ELL: variants seen among roughly 807,000 people sequenced by gnomAD.
ELL encodes the protein RNA polymerase II elongation factor ELL.
In ELL, 18 loss-of-function variants were observed where a neutral mutation model predicts 64.0. That is an observed-to-expected ratio of 0.28 (90% confidence interval 0.19 to 0.42). The LOEUF (loss-of-function observed/expected upper bound fraction) is 0.42. Among genes scored for constraint, ELL ranks in the 10% least tolerant of loss-of-function variants. The probability of loss-of-function intolerance (pLI) is 1.00; values close to 1 mark genes in which losing one functional copy is unlikely to be tolerated. For missense variants in ELL, 797 were observed against 870.4 expected (o/e 0.92, Z 1.06); for synonymous variants, 399 against 376.2 (o/e 1.06, Z -0.70).
chr19:18,451,639 G>A lies in ELL; in HGVS notation c.879C>T (p.Cys293=), dbSNP rs1223042260. 1.3e-6 allele frequency: 2 copies of A among 1,499,616 alleles called. No individual in the cohort carries two copies. The highest frequency in any genetic ancestry group is 2.9e-5 in the African/African-American group (2 of 69,064). 92.9% of individuals were successfully genotyped at this position (1,499,616 alleles called of 1,614,324 possible). A position where few individuals can be genotyped will look rare whatever the true frequency, so the allele number is the denominator to read the frequency against. Residue 293 remains cysteine (C), a synonymous_variant, in exon 7 of 12, where the codon TGC becomes TGT. Coordinates refer to ENST00000262809, the MANE Select transcript of ELL (RefSeq NM_006532.4). ...LLKRVLVRKL[C]QPQSTGSLLG... ...GGAGGCTGCCAGTGCTCTGTGGCTGGCACAGCTTCCTGCGAAGGAGAGGCA... is the reference window on the plus strand; with the variant it reads ...GGAGGCTGCCAGTGCTCTGTGGCTGACACAGCTTCCTGCGAAGGAGAGGCA...
At chr19:18,486,376 G>A (rs1975417225) in intron 1 of ELL, among the ~76,000 whole-genome samples, 1 of 152,192 alleles carries the variant, frequency 6.6e-6, no homozygotes, top group South Asian at 2.1e-4. Flanking sequence ...TGTACTCTGT[G>A]ACCCAGAGTG....
rs563546343 is a variant in ELL at position 18,454,840 on chromosome 19, C to CAA, written c.870-3194_870-3193dup. Among the ~76,000 whole-genome samples the CAA allele has an allele frequency of 7.4e-4, 42 of 56,508 alleles. 3 individuals carry two copies. Among genetic ancestry groups the CAA allele is most frequent in the African/African-American group, 1.4e-3 (20 of 14,186 alleles). 37.1% of individuals were successfully genotyped at this position (56,508 alleles called of 152,430 possible). A position where few individuals can be genotyped will look rare whatever the true frequency, so the allele number is the denominator to read the frequency against. ...TGGGCAACAGAGTGAGACTCAGTCTCAAAAAAAAAAAAAAAAAAGGCATCC... is the reference window on the plus strand; with the variant it reads ...TGGGCAACAGAGTGAGACTCAGTCTCAAAAAAAAAAAAAAAAAAAAGGCATCC... On this transcript the variant is annotated intron_variant, in intron 6 of 11. Coordinates refer to ENST00000262809, the MANE Select transcript of ELL (RefSeq NM_006532.4).
intron 1 of ELL, among the ~76,000 whole-genome samples, chr19:18,520,323 AG>A (rs1976236299): frequency 6.6e-6 from 1 of 152,154 alleles, no homozygotes; most frequent in African/African-American, 2.4e-5. Context: ...AGAATCGCTC[AG>A]GGAAAAAGAC....
At chr19:18,507,554 TCCA>T (rs1351249562) in intron 1 of ELL, among the ~76,000 whole-genome samples, 5 of 152,224 alleles carry the variant, frequency 3.3e-5, no homozygotes, top group Non-Finnish European at 7.3e-5. Context: ...CCTGCCCATG[TCCA>T]CCACCACTGC....
intron 1 of ELL, among the ~76,000 whole-genome samples, chr19:18,508,897 A>T (rs750520358): frequency 6.6e-6 from 1 of 152,164 alleles, no homozygotes; most frequent in African/African-American, 2.4e-5. Context: ...TTGCTGCTGA[A>T]AAAGATCACA....
At chr19:18,504,289 C>G (rs1568397375) in intron 1 of ELL, among the ~76,000 whole-genome samples, 2 of 152,226 alleles carry the variant, frequency 1.3e-5, no homozygotes, top group East Asian at 3.8e-4. Flanking sequence ...CGCACAGAGG[C>G]CACTCCTGCT....
chr19:18,514,574 G>A (rs1487247614), intron 1 of ELL, among the ~76,000 whole-genome samples: 1 of 150,254 alleles, frequency 6.7e-6, no homozygotes, highest in Non-Finnish European at 1.5e-5. Context: ...GGCCATCTCT[G>A]TCATTCACTG....
At chr19:18,457,434 C>A (rs1974704790) in intron 6 of ELL, among the ~76,000 whole-genome samples, 1 of 152,190 alleles carries the variant, frequency 6.6e-6, no homozygotes, top group Admixed American at 6.5e-5. Flanking sequence ...ACCTGCACAC[C>A]CAGGGTGGAC....
intron 1 of ELL, among the ~76,000 whole-genome samples, chr19:18,507,066 C>T (rs537437402): frequency 1.1e-4 from 16 of 152,348 alleles, no homozygotes; most frequent in African/African-American, 3.6e-4. Context: ...GAGCTGGACA[C>T]AGGCTGCCAG....
At chr19:18,513,775 C>CA (rs1438779650) in intron 1 of ELL, among the ~76,000 whole-genome samples, 2 of 151,652 alleles carry the variant, frequency 1.3e-5, no homozygotes, top group African/African-American at 2.4e-5. Context: ...ACTAAAAACA[C>CA]AAAAAATTAG....
intron 1 of ELL, chr19:18,473,253 C>T (rs1395603493): frequency 5.6e-6 from 3 of 532,432 alleles, no homozygotes; most frequent in Non-Finnish European, 1.1e-5. Flanking sequence ...AAGGTGCTCA[C>T]AGCCCTGCCA....
chr19:18,492,162 C>A (rs947283557), intron 1 of ELL, among the ~76,000 whole-genome samples: 3 of 152,128 alleles, frequency 2.0e-5, no homozygotes, highest in African/African-American at 7.2e-5. Context: ...AGGAGAGGAT[C>A]CAGGCTCCAC....
At chr19:18,454,713 C>T (rs889381956) in intron 6 of ELL, among the ~76,000 whole-genome samples, 1 of 150,914 alleles carries the variant, frequency 6.6e-6, no homozygotes, top group South Asian at 2.1e-4. Context: ...TGGTGGCAGG[C>T]GCCTGTAATC....
intron 4 of ELL, among the ~76,000 whole-genome samples, chr19:18,462,608 A>T (rs540421369): frequency 5.0e-4 from 76 of 151,868 alleles, no homozygotes; most frequent in Non-Finnish European, 9.7e-4. Flanking sequence ...TCTCAAACTC[A>T]TGGGCCCAAA....
intron 8 of ELL, 112 bp downstream of exon 8, chr19:18,450,365 G>A: frequency 2.7e-6 from 4 of 1,486,526 alleles, no homozygotes; most frequent in Non-Finnish European, 3.6e-6. Context: ...GGGCAACAGG[G>A]TCCCCTCCCC....
At chr19:18,518,627 C>T (rs184794363) in intron 1 of ELL, among the ~76,000 whole-genome samples, 29 of 151,900 alleles carry the variant, frequency 1.9e-4, no homozygotes, top group African/African-American at 6.8e-4. Flanking sequence ...CCCATCTCTA[C>T]CAAAAATACA....
intron 6 of ELL, among the ~76,000 whole-genome samples, chr19:18,455,509 G>T (rs951102444): frequency 2.7e-5 from 4 of 147,126 alleles, no homozygotes; most frequent in African/African-American, 7.5e-5. Context: ...AAAAAAAAAA[G>T]AACATGCTCC....
At chr19:18,517,466 G>A in intron 1 of ELL, among the ~76,000 whole-genome samples, 1 of 151,888 alleles carries the variant, frequency 6.6e-6, no homozygotes, top group East Asian at 1.9e-4. Flanking sequence ...GTCCAGGCTG[G>A]TCTCAAACTC....
intron 6 of ELL, among the ~76,000 whole-genome samples, chr19:18,454,815 TG>T (rs1171654803): frequency 2.8e-5 from 3 of 108,422 alleles, no homozygotes; most frequent in African/African-American, 1.1e-4. Context: ...CACTCCAGCC[TG>T]GGCAACAGAG....
Sources: gnomAD v4.1 joint callset for allele counts (sites outside exome capture counted in the v4.1 genomes callset) on GRCh38, gnomAD v4.1.1 for gene constraint, MANE v1.5 for transcripts, NCBI Gene and HGNC (gene_info 2026-07-23, HGNC 2026-07-21) for gene names.